Variants in NYAP2 observed in about 807,000 individuals in gnomAD.
NYAP2 encodes the protein neuronal tyrosine-phosphorylated phosphoinositide-3-kinase adapter 2.
In NYAP2, 23 loss-of-function variants were observed where a neutral mutation model predicts 50.4. The observed-to-expected ratio is 0.46, with a 90% CI of 0.33 to 0.65. NYAP2 has a LOEUF of 0.65. Ranked by LOEUF, NYAP2 falls within the 30% of genes least tolerant of loss-of-function variation. The probability of loss-of-function intolerance (pLI) is 0.02; values close to 1 mark genes in which losing one functional copy is unlikely to be tolerated. For synonymous variants in NYAP2, 394 were observed against 365.2 expected (o/e 1.08, Z -0.90); for missense variants, 885 against 861.0 (o/e 1.03, Z -0.35).
At chr2:225,686,984 G>A in the NYAP2 span, among the ~76,000 whole-genome samples, 1 of 152,102 alleles carries the variant, frequency 6.6e-6, no homozygotes, top group Admixed American at 6.6e-5. Flanking sequence ...CCCATGTCAT[G>A]GGCTATATGA....
intron 4 of NYAP2, among the ~76,000 whole-genome samples, chr2:225,561,643 C>T (rs918206805): frequency 6.6e-6 from 1 of 151,976 alleles, no homozygotes; most frequent in Non-Finnish European, 1.5e-5. Flanking sequence ...GGCATAGAGG[C>T]AGCTATAGTT....
intron 3 of NYAP2, among the ~76,000 whole-genome samples, chr2:225,448,520 A>C (rs1574620320): frequency 6.6e-6 from 1 of 152,338 alleles, no homozygotes; most frequent in East Asian, 1.9e-4. Context: ...ATGTCCTAAA[A>C]GAAATCTCTT....
At chr2:225,547,934 A>G (rs76391986) in intron 4 of NYAP2, among the ~76,000 whole-genome samples, 1 of 152,098 alleles carries the variant, frequency 6.6e-6, no homozygotes, top group African/African-American at 2.4e-5. Context: ...CCTGTTCTTT[A>G]TATCCCTACT....
At chr2:225,530,628 T>C (rs1691238317) in intron 4 of NYAP2, among the ~76,000 whole-genome samples, 1 of 152,180 alleles carries the variant, frequency 6.6e-6, no homozygotes, top group Non-Finnish European at 1.5e-5. Flanking sequence ...TCTCACTGGC[T>C]CTCCTGTCTT....
intron 4 of NYAP2, among the ~76,000 whole-genome samples, chr2:225,531,741 T>A (rs1426038993): frequency 2.0e-5 from 3 of 152,182 alleles, no homozygotes; most frequent in Non-Finnish European, 4.4e-5. Flanking sequence ...AGCGAGTGCA[T>A]TTTCTCTCCA....
intron 6 of NYAP2, among the ~76,000 whole-genome samples, chr2:225,631,165 C>T (rs924392371): frequency 3.3e-5 from 5 of 152,182 alleles, no homozygotes; most frequent in African/African-American, 1.2e-4. Flanking sequence ...TTTTTGAACA[C>T]TTAGTAAGTT....
chr2:225,515,194 C>CA (rs1042417527), intron 4 of NYAP2, among the ~76,000 whole-genome samples: 3 of 152,118 alleles, frequency 2.0e-5, no homozygotes, highest in Non-Finnish European at 4.4e-5. Context: ...TATACATATG[C>CA]AAAAAATGCC....
chr2:225,650,929 T>C (rs1327678646), intron 6 of NYAP2, among the ~76,000 whole-genome samples: 2 of 152,176 alleles, frequency 1.3e-5, no homozygotes, highest in Non-Finnish European at 2.9e-5. Flanking sequence ...AGTAAAAGTC[T>C]TGGAAGACAG....
chr2:225,563,411 G>A (rs559196943), intron 4 of NYAP2, among the ~76,000 whole-genome samples: 16 of 152,024 alleles, frequency 1.1e-4, no homozygotes, highest in South Asian at 2.1e-4. Context: ...CACTTTTTTC[G>A]TCTGAATCAC....
chr2:225,603,386 G>A (rs188233441), intron 5 of NYAP2, among the ~76,000 whole-genome samples: 2 of 152,292 alleles, frequency 1.3e-5, no homozygotes, highest in Admixed American at 1.3e-4. Flanking sequence ...AAGTGAAGAT[G>A]TGACAGTCAA....
intron 5 of NYAP2, among the ~76,000 whole-genome samples, chr2:225,608,584 A>C (rs1692828783): frequency 6.6e-6 from 1 of 152,164 alleles, no homozygotes; most frequent in Non-Finnish European, 1.5e-5. Context: ...GGCTGAACTT[A>C]TTACGGTCCC....
intron 3 of NYAP2, among the ~76,000 whole-genome samples, chr2:225,508,010 G>A (rs1303131167): frequency 3.3e-5 from 5 of 152,130 alleles, no homozygotes; most frequent in African/African-American, 1.2e-4. Flanking sequence ...TACAAACATT[G>A]CATCAATTAC....
intron 4 of NYAP2, among the ~76,000 whole-genome samples, chr2:225,558,813 T>G (rs928099389): frequency 6.6e-6 from 1 of 152,116 alleles, no homozygotes; most frequent in Admixed American, 6.6e-5. Flanking sequence ...ACAGAGCCAT[T>G]CTGTAATGGG....
chr2:225,545,277 C>A (rs1277073771), intron 4 of NYAP2, among the ~76,000 whole-genome samples: 3 of 152,098 alleles, frequency 2.0e-5, no homozygotes, highest in Non-Finnish European at 4.4e-5. Context: ...AAACTTTTTA[C>A]CCTTATCTCT....
At chr2:225,560,933 GTTTT>G (rs34298369) in intron 4 of NYAP2, among the ~76,000 whole-genome samples, 1 of 136,478 alleles carries the variant, frequency 7.3e-6, no homozygotes. Flanking sequence ...TTTCCAAAAC[GTTTT>G]TTTTTTTTTT....
At chr2:225,521,139 G>T (rs1691048839) in intron 4 of NYAP2, among the ~76,000 whole-genome samples, 1 of 149,930 alleles carries the variant, frequency 6.7e-6, no homozygotes, top group Admixed American at 6.6e-5. Context: ...CTGAGACTTT[G>T]CTGAAGTTGC....
chr2:225,517,995 A>G (rs1246511092), intron 4 of NYAP2, among the ~76,000 whole-genome samples: 1 of 152,286 alleles, frequency 6.6e-6, no homozygotes, highest in East Asian at 1.9e-4. Context: ...GGAAACCAGT[A>G]TGTTGAAGAG....
chr2:225,579,825 T>C (rs1334581359), intron 4 of NYAP2, among the ~76,000 whole-genome samples: 1 of 152,206 alleles, frequency 6.6e-6, no homozygotes, highest in Non-Finnish European at 1.5e-5. Flanking sequence ...CCATAATCTA[T>C]GTTGGAGTAT....
chr2:225,472,846 A>G (rs2106160123), intron 3 of NYAP2, among the ~76,000 whole-genome samples: 1 of 152,088 alleles, frequency 6.6e-6, no homozygotes, highest in African/African-American at 2.4e-5. Context: ...TCTAGGGTAC[A>G]TGTGCACAAC....
Sources: gnomAD v4.1 joint callset for allele counts (sites outside exome capture counted in the v4.1 genomes callset) on GRCh38, gnomAD v4.1.1 for gene constraint, MANE v1.5 for transcripts, NCBI Gene and HGNC (gene_info 2026-07-23, HGNC 2026-07-21) for gene names.